The following B3GALT1 variants were observed in gnomAD, a reference collection of about 807,000 sequenced individuals.
B3GALT1 encodes beta-1,3-galactosyltransferase 1.
A neutral mutation model predicts 23.2 loss-of-function variants in B3GALT1; 10 were observed. That is an observed-to-expected ratio of 0.43 (90% confidence interval 0.27 to 0.73). B3GALT1 has a LOEUF of 0.73. B3GALT1 is among the 30% of genes least tolerant of loss of function. The pLI is 0.21. For synonymous variants in B3GALT1, 156 were observed against 141.5 expected, an observed-to-expected ratio of 1.10 and a Z score of -0.73; for missense variants, 299 against 405.4, an observed-to-expected ratio of 0.74 and a Z score of 2.25.
chr2:167,600,403 C>T (rs1164641926), intron 2 of B3GALT1, among the ~76,000 whole-genome samples: 1 of 152,156 alleles, frequency 6.6e-6, no homozygotes, highest in Non-Finnish European at 1.5e-5. Context: ...AGAATTCACC[C>T]ATTTAAAAGA....
chr2:167,731,160 A>G (rs1460085390), intron 3 of B3GALT1, among the ~76,000 whole-genome samples: 1 of 152,226 alleles, frequency 6.6e-6, no homozygotes, highest in Non-Finnish European at 1.5e-5. Flanking sequence ...TCAGCTGCAC[A>G]CTGACTAGCT....
chr2:167,814,425 T>C (rs756177599), intron 3 of B3GALT1, among the ~76,000 whole-genome samples: 1 of 152,158 alleles, frequency 6.6e-6, no homozygotes, highest in Non-Finnish European at 1.5e-5. Flanking sequence ...AGACTTAGGA[T>C]TATTGTATAG....
intron 3 of B3GALT1, among the ~76,000 whole-genome samples, chr2:167,683,519 A>C (rs917637015): frequency 2.6e-5 from 4 of 152,130 alleles, no homozygotes; most frequent in Non-Finnish European, 5.9e-5. Flanking sequence ...CCAGGAGTTC[A>C]AGATCAGCTG....
At chr2:167,311,811 G>T (rs1389570177) in intron 1 of B3GALT1, among the ~76,000 whole-genome samples, 2 of 151,870 alleles carry the variant, frequency 1.3e-5, no homozygotes, top group Admixed American at 6.6e-5. Context: ...ATAGCAGGAA[G>T]ATATAGCAGG....
At position 167,554,181 on chromosome 2, in the gene B3GALT1, G is replaced by T. The variant is rs541548145; in HGVS notation, c.-410+63904G>T. On this transcript the variant is annotated intron_variant, in intron 2 of 4. Coordinates refer to ENST00000392690, the MANE Select transcript of B3GALT1 (RefSeq NM_020981.4). ...TTCAGTTTTCTCATATTGAAAATGG[G>T]AATAAGAGCTGTACTTAACTTATGG... Among the ~76,000 whole-genome samples the T allele has an allele frequency of 7.9e-5, 12 of 152,282 alleles. 2 individuals carry two copies. In the South Asian group the frequency reaches 2.3e-3, roughly 29 times the overall value.
At chr2:167,509,065 T>G (rs1699965327) in intron 2 of B3GALT1, among the ~76,000 whole-genome samples, 2 of 152,172 alleles carry the variant, frequency 1.3e-5, no homozygotes, top group African/African-American at 4.8e-5. Context: ...TGGATGTCAA[T>G]TAACTGAGAA....
intron 3 of B3GALT1, among the ~76,000 whole-genome samples, chr2:167,725,978 G>T (rs1486050357): frequency 6.6e-6 from 1 of 152,138 alleles, no homozygotes; most frequent in Non-Finnish European, 1.5e-5. Flanking sequence ...ATATTTATGG[G>T]ATTAAAATTT....
intron 2 of B3GALT1, among the ~76,000 whole-genome samples, chr2:167,566,982 C>G (rs185377248): frequency 1.2e-4 from 19 of 152,322 alleles, no homozygotes; most frequent in African/African-American, 4.3e-4. Context: ...TGCAATCTTA[C>G]TGCATCAGAA....
At chr2:167,387,627 C>G (rs16853554) in intron 1 of B3GALT1, among the ~76,000 whole-genome samples, 1,629 of 152,296 alleles carry the variant, frequency 0.011, 28 homozygotes, top group African/African-American at 0.036. Flanking sequence ...CAATTCGTTA[C>G]TAATGAATCA....
intron 1 of B3GALT1, among the ~76,000 whole-genome samples, chr2:167,481,376 T>C (rs1330486664): frequency 1.3e-5 from 2 of 149,186 alleles, no homozygotes; most frequent in African/African-American, 4.8e-5. Context: ...CTTATCTCCA[T>C]AAGCTAAAAT....
At chr2:167,398,589 G>C (rs1048603707) in intron 1 of B3GALT1, among the ~76,000 whole-genome samples, 3 of 152,126 alleles carry the variant, frequency 2.0e-5, no homozygotes, top group African/African-American at 7.2e-5. Context: ...ATGTTAAAAT[G>C]TTATGAAAGA....
chr2:167,613,216 T>C (rs1685101935), intron 2 of B3GALT1, among the ~76,000 whole-genome samples: 1 of 151,892 alleles, frequency 6.6e-6, no homozygotes, highest in Admixed American at 6.6e-5. Context: ...AAAAAAAGTT[T>C]TAATGTTAAC....
rs576185456 is a variant in B3GALT1, at chr2:167,731,997, C to T, written c.-352+85031C>T. Among the ~76,000 whole-genome samples the T allele has an allele frequency of 2.6e-5, 4 of 152,242 alleles. No individual in the cohort carries two copies. The South Asian group carries it at 8.3e-4, about 32-fold the overall frequency. ...ATTTGGTGAAACACTTTTGTTAAGCCAGGCTGTACTCACTTGGAAGGGCAG... is the reference window on the plus strand; with the variant it reads ...ATTTGGTGAAACACTTTTGTTAAGCTAGGCTGTACTCACTTGGAAGGGCAG... On this transcript the variant is annotated intron_variant, in intron 3 of 4. Coordinates refer to ENST00000392690, the MANE Select transcript of B3GALT1 (RefSeq NM_020981.4).
chr2:167,559,090 C>T (rs1052632825), intron 2 of B3GALT1, among the ~76,000 whole-genome samples: 15 of 152,108 alleles, frequency 9.9e-5, no homozygotes, highest in Admixed American at 4.6e-4. Flanking sequence ...CTCACACGGC[C>T]GGGTACTCCT....
Position 167,840,678 on chromosome 2 carries a change from A to G in B3GALT1, c.-230+21885A>G, listed in dbSNP as rs1222713897. On this transcript the variant is annotated intron_variant, in intron 4 of 4. Coordinates refer to ENST00000392690, the MANE Select transcript of B3GALT1 (RefSeq NM_020981.4). Reference sequence around the variant, plus strand: ...TGACCCAGCCATCCCATTACTGGCTATATACCCAAAGGATTATAAATCATG... The same window carrying G: ...TGACCCAGCCATCCCATTACTGGCTGTATACCCAAAGGATTATAAATCATG... Among the ~76,000 whole-genome samples the G allele has an allele frequency of 4.6e-5, 7 of 152,010 alleles. No individual in the cohort carries two copies. The East Asian group carries it at 5.8e-4, about 13-fold the overall frequency.
At chr2:167,715,827 C>T in intron 3 of B3GALT1, 1 of 1,613,940 alleles carries the variant, frequency 6.2e-7, no homozygotes, top group Non-Finnish European at 8.5e-7. Flanking sequence ...GAAAGCATTT[C>T]ACCAAGTTTT....
chr2:167,439,507 T>C (rs1439025583), intron 1 of B3GALT1, among the ~76,000 whole-genome samples: 1 of 152,134 alleles, frequency 6.6e-6, no homozygotes, highest in East Asian at 1.9e-4. Context: ...AGAAATGTTA[T>C]GGTCTTATTA....
intron 2 of B3GALT1, among the ~76,000 whole-genome samples, chr2:167,603,079 A>G (rs1684902872): frequency 6.6e-6 from 1 of 152,208 alleles, no homozygotes; most frequent in South Asian, 2.1e-4. Flanking sequence ...GGAAACAGGG[A>G]TTGCACACAA....
intron 1 of B3GALT1, among the ~76,000 whole-genome samples, chr2:167,396,517 A>AATAT (rs199722723): frequency 2.6e-5 from 3 of 117,646 alleles, no homozygotes; most frequent in African/African-American, 8.5e-5. Context: ...AAAGTCTGCA[A>AATAT]ATATATATAT....
Sources: allele counts gnomAD v4.1 joint callset (sites outside exome capture counted in the v4.1 genomes callset), GRCh38; gene constraint gnomAD v4.1.1; transcripts MANE v1.5; gene names NCBI Gene and HGNC (gene_info 2026-07-23, HGNC 2026-07-21).